NEMP2: variants seen among roughly 807,000 people sequenced by gnomAD.
The protein encoded by NEMP2 is nuclear envelope integral membrane protein 2.
NEMP2 carries 53 observed loss-of-function variants against 54.2 expected under a neutral mutation model. The observed-to-expected ratio is 0.98, with a 90% CI of 0.78 to 1.23. The LOEUF (loss-of-function observed/expected upper bound fraction) is 1.23, where lower values mean the gene tolerates loss of function less well. NEMP2 is among the 50% of genes most tolerant of loss of function. The pLI is 0.00. For missense variants in NEMP2, 455 were observed against 511.3 expected (o/e 0.89, Z 1.06); for synonymous variants, 197 against 190.3 (o/e 1.04, Z -0.29).
At chr2:190,604,142 G>A in the NEMP2 span, among the ~76,000 whole-genome samples, 1 of 152,226 alleles carries the variant, frequency 6.6e-6, no homozygotes, top group Non-Finnish European at 1.5e-5. The surrounding 1 kb of genome is among the most constrained non-coding windows in gnomAD (Gnocchi z 4.5). Flanking sequence ...CCATCGATAG[G>A]TGCCTCCTTC....
At chr2:190,592,895 T>C in the NEMP2 span, among the ~76,000 whole-genome samples, 1 of 152,192 alleles carries the variant, frequency 6.6e-6, no homozygotes, top group Non-Finnish European at 1.5e-5. This position sits in a 1 kb window ranked among gnomAD's most constrained non-coding sequence, Gnocchi z 4.4. Context: ...AAATGTAAAA[T>C]TTCTTAAAAA....
chr2:190,576,640 G>C, the NEMP2 span, among the ~76,000 whole-genome samples: 7 of 143,706 alleles, frequency 4.9e-5, no homozygotes, highest in African/African-American at 1.5e-4. Flanking sequence ...GGCGGGGGGG[G>C]ATCTGGTTCT....
At chr2:190,638,119 G>A in the NEMP2 span, among the ~76,000 whole-genome samples, 1 of 152,148 alleles carries the variant, frequency 6.6e-6, no homozygotes, top group African/African-American at 2.4e-5. The surrounding 1 kb of genome is among the most constrained non-coding windows in gnomAD (Gnocchi z 5.7). Context: ...TACAGAGCAA[G>A]GAGTAATCAG....
rs1021185379 is a variant in NEMP2, at chr2:190,525,941, A to G, written c.98-563T>C. On this transcript the variant is annotated intron_variant, in intron 1 of 8. Coordinates refer to ENST00000409150, the MANE Select transcript of NEMP2 (RefSeq NM_001142645.2). The surrounding 1 kb of genome is among the most constrained non-coding windows in gnomAD (Gnocchi z 5.0). The stretch of plus-strand genomic sequence containing the variant: ...CTATACCATGTGGACTCCATCTTGA[A>G]AGCAGAGCATTGGAGGATTTTAGGT... 2.6e-5 allele frequency among the ~76,000 whole-genome samples: 4 copies of G among 152,322 alleles called. No individual in the cohort carries two copies. The highest frequency in any genetic ancestry group is 3.4e-3 in the Middle Eastern group (1 of 294).
At chr2:190,423,210 T>A in the NEMP2 span, among the ~76,000 whole-genome samples, 9 of 152,332 alleles carry the variant, frequency 5.9e-5, no homozygotes, top group South Asian at 1.7e-3. This position sits in a 1 kb window ranked among gnomAD's most constrained non-coding sequence, Gnocchi z 4.3. Flanking sequence ...ATTGAGGCAG[T>A]CAAGATACAG....
chr2:190,561,677 T>G, the NEMP2 span, among the ~76,000 whole-genome samples: 1 of 152,142 alleles, frequency 6.6e-6, no homozygotes, highest in Non-Finnish European at 1.5e-5. This position sits in a 1 kb window ranked among gnomAD's most constrained non-coding sequence, Gnocchi z 5.4. Flanking sequence ...GGAGGGAGGT[T>G]GGTGGGAGAG....
At chr2:190,467,443 T>A in the NEMP2 span, among the ~76,000 whole-genome samples, 29,283 of 152,058 alleles carry the variant, frequency 0.19, 3,089 homozygotes, top group East Asian at 0.31. This position sits in a 1 kb window ranked among gnomAD's most constrained non-coding sequence, Gnocchi z 5.5. Context: ...CAAAACCTCG[T>A]CTCTACTAAA....
At chr2:190,635,862 A>G in the NEMP2 span, among the ~76,000 whole-genome samples, 3 of 152,042 alleles carry the variant, frequency 2.0e-5, no homozygotes, top group Admixed American at 6.5e-5. This position sits in a 1 kb window ranked among gnomAD's most constrained non-coding sequence, Gnocchi z 4.1. Context: ...AACAGAAGTA[A>G]GTTCCTATGT....
chr2:190,534,566 CGCT>C lies in NEMP2; in HGVS notation c.87_89del (p.Ala30del). ...CCGCCGGTCCCGGGTTACCTGATAA[CGCT>C]GCCGCCGCCGCCTCCCCGCGCACGG... On this transcript the variant is annotated inframe_deletion, in exon 1 of 9. Transcript: ENST00000409150. 7.1e-7 allele frequency: 1 copy of C among 1,401,380 alleles called. No homozygotes were observed. The highest frequency in any genetic ancestry group is 1.5e-5 in the South Asian group (1 of 65,434). The allele number at this position is 1,401,380 out of a possible 1,614,324, so 86.8% of individuals were successfully genotyped here.
the NEMP2 span, among the ~76,000 whole-genome samples, chr2:190,496,655 T>C: frequency 6.6e-6 from 1 of 151,744 alleles, no homozygotes; most frequent in Non-Finnish European, 1.5e-5. This position sits in a 1 kb window ranked among gnomAD's most constrained non-coding sequence, Gnocchi z 4.7. Flanking sequence ...TGTATATGTG[T>C]ATATGTGTGT....
At chr2:190,484,848 A>G in the NEMP2 span, among the ~76,000 whole-genome samples, 1 of 152,208 alleles carries the variant, frequency 6.6e-6, no homozygotes, top group Non-Finnish European at 1.5e-5. Context: ...TTAATCCTGT[A>G]TCTGCCCTGG....
chr2:190,436,829 C>A, the NEMP2 span: 1 of 1,614,248 alleles, frequency 6.2e-7, no homozygotes, highest in Non-Finnish European at 8.5e-7. The surrounding 1 kb of genome is among the most constrained non-coding windows in gnomAD (Gnocchi z 5.3). Flanking sequence ...GTTACCACCA[C>A]CAAATCTTTA....
the NEMP2 span, among the ~76,000 whole-genome samples, chr2:190,590,964 C>T: frequency 1.3e-5 from 2 of 152,132 alleles, no homozygotes; most frequent in African/African-American, 4.8e-5. This position sits in a 1 kb window ranked among gnomAD's most constrained non-coding sequence, Gnocchi z 5.1. Context: ...ATGTACAGCA[C>T]ACAGCTGTAC....
At chr2:190,613,253 A>G in the NEMP2 span, among the ~76,000 whole-genome samples, 1 of 152,190 alleles carries the variant, frequency 6.6e-6, no homozygotes, top group African/African-American at 2.4e-5. Context: ...TCTGTGGAAT[A>G]GACTGCCTAA....
chr2:190,636,554 G>A, the NEMP2 span, among the ~76,000 whole-genome samples: 602 of 152,276 alleles, frequency 4.0e-3, 3 homozygotes, highest in African/African-American at 0.014. Flanking sequence ...AGCGTATGTC[G>A]TAATGACGGT....
the NEMP2 span, chr2:190,626,758 A>C: frequency 6.6e-6 from 1 of 152,162 alleles, no homozygotes; most frequent in Non-Finnish European, 1.5e-5. The surrounding 1 kb of genome is among the most constrained non-coding windows in gnomAD (Gnocchi z 4.5). Flanking sequence ...TGGACTGATG[A>C]GCTCTCGAAT....
At chr2:190,615,568 T>C in the NEMP2 span, among the ~76,000 whole-genome samples, 1 of 152,180 alleles carries the variant, frequency 6.6e-6, no homozygotes, top group African/African-American at 2.4e-5. The surrounding 1 kb of genome is among the most constrained non-coding windows in gnomAD (Gnocchi z 4.7). Flanking sequence ...GTGGCTTCAC[T>C]ACACAGGCAT....
Position 190,525,711 on chromosome 2 carries a change from C to T in NEMP2, c.98-333G>A, listed in dbSNP as rs915703525. On this transcript the variant is annotated intron_variant, in intron 1 of 8. Transcript: ENST00000409150. The surrounding 1 kb of genome is among the most constrained non-coding windows in gnomAD (Gnocchi z 5.0). Reference sequence around the variant, plus strand: ...AAAGGGCTGAAGGGCAAGGTAGAGGCAATAAGACAGAAACTAGGAGGTGGG... The same window carrying T: ...AAAGGGCTGAAGGGCAAGGTAGAGGTAATAAGACAGAAACTAGGAGGTGGG... 6.6e-6 allele frequency among the ~76,000 whole-genome samples: 1 copy of T among 151,698 alleles called. No homozygotes were observed. Among genetic ancestry groups the T allele is most frequent in the Non-Finnish European group, 1.5e-5 (1 of 67,946 alleles).
chr2:190,606,901 G>A, the NEMP2 span, among the ~76,000 whole-genome samples: 1 of 152,082 alleles, frequency 6.6e-6, no homozygotes, highest in Non-Finnish European at 1.5e-5. Flanking sequence ...TCTTATTAAA[G>A]AAATCTTATT....
Sources: gnomAD v4.1 joint callset for allele counts (sites outside exome capture counted in the v4.1 genomes callset) on GRCh38, gnomAD v4.1.1 for gene constraint, Gnocchi (gnomAD v3.1) non-coding constraint, MANE v1.5 for transcripts, NCBI Gene and HGNC (gene_info 2026-07-23, HGNC 2026-07-21) for gene names.